PUM1: variants seen among roughly 807,000 people sequenced by gnomAD.
The protein encoded by PUM1 is pumilio homolog 1.
PUM1 carries 13 observed loss-of-function variants against 131.8 expected under a neutral mutation model. The observed-to-expected ratio is 0.10, with a 90% CI of 0.06 to 0.16. PUM1 has a LOEUF of 0.16. PUM1 is among the 10% of genes least tolerant of loss of function. PUM1 has a pLI of 1.00. For missense variants in PUM1, 961 were observed against 1,512.4 expected (o/e 0.64, Z 6.05); for synonymous variants, 509 against 556.5 (o/e 0.91, Z 1.20).
intron 2 of PUM1, among the ~76,000 whole-genome samples, chr1:31,033,537 A>T (rs946952135): frequency 6.6e-6 from 1 of 151,490 alleles, no homozygotes; most frequent in African/African-American, 2.4e-5. Flanking sequence ...GCTAATTTTC[A>T]TATTTTTTGA....
At chr1:31,015,718 G>C (rs1642792722) in intron 3 of PUM1, among the ~76,000 whole-genome samples, 1 of 143,628 alleles carries the variant, frequency 7.0e-6, no homozygotes, top group Non-Finnish European at 1.5e-5. Context: ...TTGTTGCCCA[G>C]GCTGGAGTGC....
intron 10 of PUM1, among the ~76,000 whole-genome samples, chr1:30,971,175 T>C (rs895849638): frequency 1.3e-5 from 2 of 152,196 alleles, no homozygotes; most frequent in Non-Finnish European, 2.9e-5. Context: ...TTATAAAAAC[T>C]ATCCTAGAAC....
intron 7 of PUM1, among the ~76,000 whole-genome samples, chr1:30,984,837 T>TA (rs1448677300): frequency 1.3e-5 from 2 of 152,142 alleles, no homozygotes; most frequent in South Asian, 2.1e-4. Flanking sequence ...GTTGCTGACA[T>TA]AAAAAATTAT....
chr1:30,967,960 G>A (rs1267252115), intron 11 of PUM1, among the ~76,000 whole-genome samples: 4 of 152,130 alleles, frequency 2.6e-5, no homozygotes, highest in East Asian at 1.9e-4. Flanking sequence ...CCTTAAAAAC[G>A]TAAGGGATGA....
At chr1:31,018,262 T>G (rs1642893915) in intron 3 of PUM1, among the ~76,000 whole-genome samples, 1 of 151,952 alleles carries the variant, frequency 6.6e-6, no homozygotes, top group Non-Finnish European at 1.5e-5. Context: ...GGCAGGAGAA[T>G]CATCTGAGCC....
At chr1:31,000,861 TCTA>T (rs1190350022) in intron 5 of PUM1, among the ~76,000 whole-genome samples, 1 of 152,218 alleles carries the variant, frequency 6.6e-6, no homozygotes, top group Non-Finnish European at 1.5e-5. Context: ...AATGTCGAGC[TCTA>T]CTGGTAATTT....
intron 16 of PUM1, among the ~76,000 whole-genome samples, chr1:30,951,344 A>C (rs1031732455): frequency 1.3e-5 from 2 of 152,258 alleles, no homozygotes; most frequent in African/African-American, 4.8e-5. Context: ...TTGGTTTCTT[A>C]GTCCAAAGCT....
intron 1 of PUM1, 49 bp from the exon 2 acceptor site, chr1:31,059,626 A>C (rs1379170525): frequency 6.6e-7 from 1 of 1,519,340 alleles, no homozygotes; most frequent in Non-Finnish European, 8.8e-7. Context: ...CTTTTGAAAC[A>C]TAAAACACAC....
chr1:31,015,087 T>C (rs1389918031), intron 3 of PUM1, among the ~76,000 whole-genome samples: 1 of 152,190 alleles, frequency 6.6e-6, no homozygotes, highest in Non-Finnish European at 1.5e-5. Context: ...AAATACAAAA[T>C]TGTACATGTA....
At chr1:31,042,175 G>A (rs550596582) in intron 2 of PUM1, among the ~76,000 whole-genome samples, 116 of 152,092 alleles carry the variant, frequency 7.6e-4, no homozygotes, top group African/African-American at 2.7e-3. Flanking sequence ...GCATGGTGGT[G>A]CATCCCTGTA....
intron 7 of PUM1, 21 bp downstream of exon 7, chr1:30,992,369 T>G (rs1207008291): frequency 6.2e-7 from 1 of 1,605,362 alleles, no homozygotes; most frequent in Middle Eastern, 1.8e-4. Context: ...GTAGAGAGGG[T>G]GACAGAGACA....
Position 31,028,898 on chromosome 1 carries a change from A to G in PUM1, c.364-34T>C, listed in dbSNP as rs1011576625. ...TAGAATAGAGAAGGAAAAATCTTCA[A>G]GTCAGCATCTTGAATTTTACATACA... On this transcript the variant is annotated intron_variant, in intron 2 of 21. Transcript: ENST00000426105. 1.9e-6 allele frequency: 3 copies of G among 1,556,194 alleles called. No individual in the cohort carries two copies. The African/African-American group carries it at 4.1e-5, about 21-fold the overall frequency.
chr1:31,065,150 G>T (rs905302749), intron 1 of PUM1, among the ~76,000 whole-genome samples: 1 of 152,128 alleles, frequency 6.6e-6, no homozygotes, highest in Admixed American at 6.6e-5. Context: ...CTTCTAAAGC[G>T]ATTTATTGTT....
chr1:31,053,767 C>T (rs972367833), intron 2 of PUM1, among the ~76,000 whole-genome samples: 24 of 151,870 alleles, frequency 1.6e-4, no homozygotes, highest in African/African-American at 5.1e-4. Flanking sequence ...TGAGCCACTG[C>T]GTCCAGCCAA....
intron 21 of PUM1, chr1:30,935,597 C>G (rs1024641077): frequency 2.2e-5 from 10 of 452,504 alleles, no homozygotes; most frequent in Non-Finnish European, 4.5e-5. Context: ...CTTTAAGAAC[C>G]TGGGACTCCC....
chr1:31,048,189 A>G (rs564849391), intron 2 of PUM1, among the ~76,000 whole-genome samples: 12 of 152,080 alleles, frequency 7.9e-5, no homozygotes, highest in Admixed American at 3.3e-4. Context: ...CAGTGAGCTG[A>G]TATCGCGCCA....
intron 9 of PUM1, among the ~76,000 whole-genome samples, chr1:30,979,821 C>T (rs1183908424): frequency 6.6e-6 from 1 of 152,100 alleles, no homozygotes; most frequent in Non-Finnish European, 1.5e-5. Flanking sequence ...TATCTGGTGG[C>T]TCCATGGATC....
rs903944103 is a variant in PUM1 at position 31,026,257 on chromosome 1, T to TAA, written c.432+2537_432+2538dup. Among the ~76,000 whole-genome samples, 19 of 139,970 alleles carry TAA rather than the reference T, an allele frequency of 1.4e-4. No individual in the cohort carries two copies. In the East Asian group the frequency reaches 2.2e-3, roughly 17 times the overall value. 91.8% of individuals were successfully genotyped at this position (139,970 alleles called of 152,430 possible). A position where few individuals can be genotyped will look rare whatever the true frequency, so the allele number is the denominator to read the frequency against. On this transcript the variant is annotated intron_variant, in intron 3 of 21. Coordinates refer to ENST00000426105, the MANE Select transcript of PUM1 (RefSeq NM_001020658.2). ...GGTGACAGAGTGAGACTCAGTCTCT[T>TAA]AAAAAAAAAAAAAAGAAAAGGAAAA...
chr1:30,969,876 T>C (rs1308148683), intron 10 of PUM1, among the ~76,000 whole-genome samples: 1 of 152,222 alleles, frequency 6.6e-6, no homozygotes, highest in Non-Finnish European at 1.5e-5. Context: ...TTGTTCAGGC[T>C]AATCTCTAAC....
Sources: gnomAD v4.1 joint callset for allele counts (sites outside exome capture counted in the v4.1 genomes callset) on GRCh38, gnomAD v4.1.1 for gene constraint, MANE v1.5 for transcripts, NCBI Gene and HGNC (gene_info 2026-07-23, HGNC 2026-07-21) for gene names.